Variants in SHISA6 observed in about 807,000 individuals in gnomAD.
The protein encoded by SHISA6 is shisa family member 6, also known as protein shisa-6.
In SHISA6, 22 loss-of-function variants were observed where a neutral mutation model predicts 47.9. The observed-to-expected ratio is 0.46, with a 90% CI of 0.33 to 0.66. The LOEUF (loss-of-function observed/expected upper bound fraction) is 0.66. Among genes scored for constraint, SHISA6 ranks in the 30% least tolerant of loss-of-function variants. The pLI, the probability that SHISA6 is intolerant of heterozygous loss-of-function variation, is 0.02. For synonymous variants in SHISA6, 388 were observed against 337.8 expected (o/e 1.15, Z -1.63); for missense variants, 680 against 764.6 (o/e 0.89, Z 1.30).
intron 2 of SHISA6, among the ~76,000 whole-genome samples, chr17:11,277,318 A>ACACACACACACC (rs1389004430): frequency 3.3e-4 from 42 of 128,068 alleles, no homozygotes; most frequent in African/African-American, 6.1e-4. Flanking sequence ...ACACACACAC[A>ACACACACACACC]CCCCGCATGT....
At chr17:11,368,122 A>ATACAG (rs542601475) in intron 2 of SHISA6, among the ~76,000 whole-genome samples, 5 of 152,338 alleles carry the variant, frequency 3.3e-5, no homozygotes, top group African/African-American at 1.2e-4. Context: ...CATTTGGACA[A>ATACAG]TACAGTACAA....
intron 2 of SHISA6, among the ~76,000 whole-genome samples, chr17:11,356,436 C>A (rs1164073711): frequency 6.6e-6 from 1 of 152,236 alleles, no homozygotes; most frequent in Admixed American, 6.5e-5. Context: ...TCCCCAGTCA[C>A]AGCAAAATAG....
chr17:11,396,415 T>G (rs1478264724), intron 3 of SHISA6, among the ~76,000 whole-genome samples: 1 of 152,338 alleles, frequency 6.6e-6, no homozygotes, highest in East Asian at 1.9e-4. Context: ...TGGTTCCAAG[T>G]CTTTGCTACT....
At chr17:11,252,961 A>G (rs1437722866) in intron 1 of SHISA6, among the ~76,000 whole-genome samples, 1 of 152,216 alleles carries the variant, frequency 6.6e-6, no homozygotes, top group Non-Finnish European at 1.5e-5. Flanking sequence ...GCAATGGGAA[A>G]TATCAATGCG....
At position 11,423,326 on chromosome 17, in the gene SHISA6, T is replaced by G. The variant is rs375343883; in HGVS notation, c.895+43817T>G. Reference sequence around the variant, plus strand: ...TATCTATATATGCCTGTAACATATATATAGATAGATAGATAGATAGATAGA... The same window carrying G: ...TATCTATATATGCCTGTAACATATAGATAGATAGATAGATAGATAGATAGA... On this transcript the variant is annotated intron_variant, in intron 3 of 5. Coordinates refer to ENST00000441885, the MANE Select transcript of SHISA6 (RefSeq NM_207386.4). Among the ~76,000 whole-genome samples, 32 of 142,676 alleles carry G rather than the reference T, an allele frequency of 2.2e-4. 1 individual carries two copies. The highest frequency in any genetic ancestry group is 1.0e-3 in the Admixed American group (14 of 13,874). 93.6% of individuals were successfully genotyped at this position (142,676 alleles called of 152,430 possible).
Position 11,515,888 on chromosome 17 carries a change from C to T in SHISA6, c.896-36008C>T, listed in dbSNP as rs986342430. On this transcript the variant is annotated intron_variant, in intron 3 of 5. Coordinates refer to ENST00000441885, the MANE Select transcript of SHISA6 (RefSeq NM_207386.4). ...AGACCACTTTTCCTTCAAGTTGTCACAATGCAGACTTCTGCTCTGGCTGTG... is the reference window on the plus strand; with the variant it reads ...AGACCACTTTTCCTTCAAGTTGTCATAATGCAGACTTCTGCTCTGGCTGTG... 8.5e-5 allele frequency among the ~76,000 whole-genome samples: 13 copies of T among 152,166 alleles called. 1 individual carries two copies. Among genetic ancestry groups the T allele is most frequent in the Admixed American group, 7.9e-4 (12 of 15,270 alleles).
intron 3 of SHISA6, among the ~76,000 whole-genome samples, chr17:11,511,077 C>G (rs533909943): frequency 5.3e-5 from 8 of 152,294 alleles, no homozygotes; most frequent in African/African-American, 9.6e-5. Context: ...TAGAAACATG[C>G]CTGGTTCGCA....
chr17:11,416,250 T>C (rs1315296160), intron 3 of SHISA6, among the ~76,000 whole-genome samples: 1 of 152,144 alleles, frequency 6.6e-6, no homozygotes, highest in Non-Finnish European at 1.5e-5. Flanking sequence ...GGTCCCAGAG[T>C]CAAGTAAATA....
intron 3 of SHISA6, among the ~76,000 whole-genome samples, chr17:11,395,674 C>T (rs1201770591): frequency 2.0e-5 from 3 of 151,750 alleles, no homozygotes; most frequent in Non-Finnish European, 1.5e-5. Context: ...CCCACCACCA[C>T]GCCCAGCTAA....
intron 1 of SHISA6, among the ~76,000 whole-genome samples, chr17:11,247,646 T>C (rs143176753): frequency 0.011 from 1,675 of 152,292 alleles, 36 homozygotes; most frequent in African/African-American, 0.038. Context: ...GTGGAATATA[T>C]GAGGATTTAG....
intron 2 of SHISA6, among the ~76,000 whole-genome samples, chr17:11,374,856 A>G (rs537714882): frequency 7.9e-5 from 12 of 152,008 alleles, no homozygotes; most frequent in African/African-American, 2.7e-4. Flanking sequence ...TTCATATTAT[A>G]TGTAACATAT....
chr17:11,419,893 T>G (rs1914404316), intron 3 of SHISA6, among the ~76,000 whole-genome samples: 1 of 152,120 alleles, frequency 6.6e-6, no homozygotes, highest in Admixed American at 6.5e-5. Context: ...CAGCCATGGT[T>G]CCAAAGGTGA....
intron 3 of SHISA6, among the ~76,000 whole-genome samples, chr17:11,414,834 T>A (rs112239255): frequency 7.2e-5 from 11 of 152,296 alleles, no homozygotes; most frequent in African/African-American, 2.6e-4. Flanking sequence ...ACGCCTGTAA[T>A]CCCAGCACTT....
rs1016547116 is a variant in SHISA6, at chr17:11,558,236, G to C, written c.1588G>C (p.Glu530Gln). ...AFASRRHNTV[E>Q]QLHYIPGHHT... The stretch of plus-strand genomic sequence containing the variant: ...TGCCTCACGCAGACACAACACGGTG[G>C]AGCAGCTGCACTACATCCCGGGCCA... Residue 530 changes from glutamate (E) to glutamine (Q), a missense_variant, in exon 6 of 6, where the codon GAG (glutamate) becomes CAG (glutamine). This residue lies in a region of SHISA6 where 559 missense variants were observed against 674.1 expected (regional missense o/e 0.83). Coordinates refer to ENST00000441885, the MANE Select transcript of SHISA6 (RefSeq NM_207386.4). 1 of 1,540,544 alleles carries C rather than the reference G, an allele frequency of 6.5e-7. No individual in the cohort carries two copies. Among genetic ancestry groups the C allele is most frequent in the African/African-American group, 1.4e-5 (1 of 73,054 alleles).
At chr17:11,373,184 A>T (rs964137252) in intron 2 of SHISA6, among the ~76,000 whole-genome samples, 1 of 151,564 alleles carries the variant, frequency 6.6e-6, no homozygotes, top group Non-Finnish European at 1.5e-5. Flanking sequence ...GGATTTTTTC[A>T]TCAGGTCTAT....
chr17:11,323,858 C>T (rs1220603559), intron 2 of SHISA6, among the ~76,000 whole-genome samples: 2 of 152,024 alleles, frequency 1.3e-5, no homozygotes, highest in South Asian at 4.2e-4. Flanking sequence ...ACCTGAGCTT[C>T]CTTTGCTTTT....
At chr17:11,400,211 A>G (rs1913717838) in intron 3 of SHISA6, among the ~76,000 whole-genome samples, 1 of 152,138 alleles carries the variant, frequency 6.6e-6, no homozygotes, top group East Asian at 1.9e-4. Context: ...AACTCCAGTA[A>G]TAAAGCTTTT....
intron 3 of SHISA6, among the ~76,000 whole-genome samples, chr17:11,469,718 A>C (rs769846574): frequency 6.6e-6 from 1 of 152,064 alleles, no homozygotes; most frequent in African/African-American, 2.4e-5. Context: ...CCTGATACCC[A>C]ACAGAGCTCC....
intron 3 of SHISA6, among the ~76,000 whole-genome samples, chr17:11,384,340 A>G (rs205054): frequency 0.46 from 69,963 of 152,082 alleles, 16,855 homozygotes; most frequent in East Asian, 0.73. Flanking sequence ...CACATTTTGC[A>G]AGACAGGAAG....
Sources: gnomAD v4.1 joint callset for allele counts (sites outside exome capture counted in the v4.1 genomes callset) on GRCh38, gnomAD v4.1.1 for gene constraint, gnomAD v4.1.1 regional missense constraint, MANE v1.5 for transcripts, NCBI Gene and HGNC (gene_info 2026-07-23, HGNC 2026-07-21) for gene names.